SYT13: variants seen among roughly 807,000 people sequenced by gnomAD.
SYT13 encodes synaptotagmin 13.
Under a neutral mutation model 38.6 loss-of-function variants are expected in SYT13, and 21 were observed. That is an observed-to-expected ratio of 0.54 (90% CI 0.39 to 0.78). The LOEUF is 0.78. Among genes scored for constraint, SYT13 ranks in the 30% least tolerant of loss-of-function variants. The pLI is 0.00. For missense variants in SYT13, 495 were observed against 548.7 expected (o/e 0.90, Z 0.98); for synonymous variants, 241 against 237.6 (o/e 1.01, Z -0.13).
chr11:45,248,773 G>A (rs1381586580), intron 4 of SYT13, among the ~76,000 whole-genome samples: 1 of 152,210 alleles, frequency 6.6e-6, no homozygotes, highest in Non-Finnish European at 1.5e-5. Flanking sequence ...TACAGACCAG[G>A]TGAGAGGAGT....
At chr11:45,285,939 G>T in intron 1 of SYT13, 86 bp downstream of exon 1, 2 of 1,356,354 alleles carry the variant, frequency 1.5e-6, no homozygotes, top group South Asian at 2.4e-5. Context: ...AAAGATCCAC[G>T]ACCGCCTCCC....
chr11:45,261,130 T>C (rs1324942194), intron 1 of SYT13, among the ~76,000 whole-genome samples: 4 of 152,168 alleles, frequency 2.6e-5, no homozygotes, highest in Non-Finnish European at 5.9e-5. Context: ...TCATCATCAC[T>C]AATCACCAGA....
At chr11:45,248,137 C>T (rs1456171655) in intron 4 of SYT13, among the ~76,000 whole-genome samples, 1 of 152,164 alleles carries the variant, frequency 6.6e-6, no homozygotes, top group African/African-American at 2.4e-5. Context: ...CCAATGATTC[C>T]ACAAGTCTTG....
rs56684072 is a variant in SYT13 at position 45,270,206 on chromosome 11, T to C, written c.184-14315A>G. Among the ~76,000 whole-genome samples, 1,334 of 152,332 alleles carry C rather than the reference T, an allele frequency of 8.8e-3. 21 individuals carry two copies. Among genetic ancestry groups the C allele is most frequent in the African/African-American group, 0.03 (1,263 of 41,566 alleles). ...CTCACATTTTTCCTGTTAAACTGAG[T>C]CTGTGTATAGAAGCATCTCAGCTCT... On this transcript the variant is annotated intron_variant, in intron 1 of 5. Coordinates refer to ENST00000020926, the MANE Select transcript of SYT13 (RefSeq NM_020826.3).
At chr11:45,266,518 AC>A (rs1267154650) in intron 1 of SYT13, among the ~76,000 whole-genome samples, 26 of 151,750 alleles carry the variant, frequency 1.7e-4, no homozygotes, top group African/African-American at 5.8e-4. Flanking sequence ...ACACACACAC[AC>A]ACACACACAC....
At position 45,286,329 on chromosome 11, in the gene SYT13, G is replaced by C; in HGVS notation, c.-122C>G. ...CAGCTCTCCCGCCGCCAGAGGGGCGGGGACGGAGGGAGGGAGGACGGCTGC... is the reference window on the plus strand; with the variant it reads ...CAGCTCTCCCGCCGCCAGAGGGGCGCGGACGGAGGGAGGGAGGACGGCTGC... On this transcript the variant is annotated 5_prime_UTR_variant, in exon 1 of 6. Coordinates refer to ENST00000020926, the MANE Select transcript of SYT13 (RefSeq NM_020826.3). 1 of 1,203,444 alleles carries C rather than the reference G, an allele frequency of 8.3e-7. No homozygotes were observed. The highest frequency in any genetic ancestry group is 1.1e-6 in the Non-Finnish European group (1 of 897,798). 74.5% of individuals were successfully genotyped at this position (1,203,444 alleles called of 1,614,324 possible).
At chr11:45,260,015 CT>C (rs1251807627) in intron 1 of SYT13, among the ~76,000 whole-genome samples, 1 of 152,232 alleles carries the variant, frequency 6.6e-6, no homozygotes, top group Non-Finnish European at 1.5e-5. Flanking sequence ...ATTTTTGTGC[CT>C]TGCAGCCAAG....
intron 1 of SYT13, among the ~76,000 whole-genome samples, chr11:45,285,394 G>T (rs796626002): frequency 2.0e-5 from 3 of 152,170 alleles, no homozygotes; most frequent in African/African-American, 7.2e-5. Flanking sequence ...CCTCTGACTG[G>T]CTGGAGCTCA....
At position 45,271,595 on chromosome 11, in the gene SYT13, G is replaced by T. The variant is rs567663441; in HGVS notation, c.183+14430C>A. Among the ~76,000 whole-genome samples, 11 of 152,326 alleles carry T rather than the reference G, an allele frequency of 7.2e-5. No homozygotes were observed. The South Asian group carries it at 1.5e-3, about 20-fold the overall frequency. ...CTTGAATGCCAAGCAAAAAAATCTT[G>T]AATTCTATCTTATAAACAATGGAGA... On this transcript the variant is annotated intron_variant, in intron 1 of 5. Transcript: ENST00000020926.
chr11:45,267,472 C>G (rs1404331880), intron 1 of SYT13, among the ~76,000 whole-genome samples: 1 of 152,148 alleles, frequency 6.6e-6, no homozygotes, highest in East Asian at 1.9e-4. Flanking sequence ...CCAGGCCCCC[C>G]AGAGGTTTGA....
At chr11:45,256,588 A>C (rs1004748120) in intron 1 of SYT13, among the ~76,000 whole-genome samples, 4 of 151,950 alleles carry the variant, frequency 2.6e-5, no homozygotes, top group Non-Finnish European at 5.9e-5. Flanking sequence ...CCCTATCACC[A>C]CATCCCACTC....
chr11:45,278,857 T>C (rs754602162), intron 1 of SYT13, among the ~76,000 whole-genome samples: 19 of 152,198 alleles, frequency 1.2e-4, no homozygotes, highest in Non-Finnish European at 2.6e-4. Context: ...AAAGAATCTA[T>C]GCTAATTTCT....
chr11:45,249,405 T>G (rs776971835), intron 4 of SYT13, among the ~76,000 whole-genome samples: 1 of 152,242 alleles, frequency 6.6e-6, no homozygotes, highest in Non-Finnish European at 1.5e-5. Context: ...ACTGGGTATA[T>G]ACCCAAAGGA....
rs963698716 is a variant in SYT13 at position 45,241,519 on chromosome 11, C to CA, written c.*2532_*2533insT. ...GAGATCCCTCCCCCGCCCCGCCCCC[C>CA]CAAAAAAAAGAAGAAGAAGAATGAA... is the stretch of plus-strand genomic sequence containing the variant. On this transcript the variant is annotated 3_prime_UTR_variant, in exon 6 of 6. Coordinates refer to ENST00000020926, the MANE Select transcript of SYT13 (RefSeq NM_020826.3). 7.8e-5 allele frequency: 11 copies of CA among 141,298 alleles called. 1 individual carries two copies. Among genetic ancestry groups the CA allele is most frequent in the Non-Finnish European group, 1.7e-4 (11 of 64,422 alleles). The allele number at this position is 141,298 out of a possible 1,614,324, so 8.8% of individuals were successfully genotyped here.
At chr11:45,275,971 C>T (rs1855005917) in intron 1 of SYT13, among the ~76,000 whole-genome samples, 1 of 152,188 alleles carries the variant, frequency 6.6e-6, no homozygotes, top group Non-Finnish European at 1.5e-5. Flanking sequence ...TCTCACGAGA[C>T]TCATGAACAA....
In SYT13 at chr11:45,240,603, C is replaced by T. The variant is rs1051410741; in HGVS notation, c.*3449G>A. On this transcript the variant is annotated 3_prime_UTR_variant, in exon 6 of 6. Coordinates refer to ENST00000020926, the MANE Select transcript of SYT13 (RefSeq NM_020826.3). ...TGTTTGGAGTGATTTGTCATTCAAC[C>T]CACACAAAAAGTTGTATCTCAAATC... 1 of 152,170 alleles carries T rather than the reference C, an allele frequency of 6.6e-6. No individual in the cohort carries two copies. The highest frequency in any genetic ancestry group is 2.4e-5 in the African/African-American group (1 of 41,430). 9.4% of individuals were successfully genotyped at this position (152,170 alleles called of 1,614,324 possible).
rs751516024 is a variant in SYT13 at position 45,246,364 on chromosome 11, C to T, written c.976+19G>A. 2 of 1,612,010 alleles carry T rather than the reference C, an allele frequency of 1.2e-6. No individual in the cohort carries two copies. The highest frequency in any genetic ancestry group is 1.7e-6 in the Non-Finnish European group (2 of 1,179,194). ...CGGTAGCTGGAGGGGCCTTGGCCAT[C>T]CTCTCACATCTCACTCACCCTTCCC... On this transcript the variant is annotated intron_variant, in intron 5 of 5. Transcript: ENST00000020926.
intron 4 of SYT13, among the ~76,000 whole-genome samples, chr11:45,248,044 C>A (rs1210347366): frequency 3.9e-5 from 6 of 152,190 alleles, no homozygotes; most frequent in African/African-American, 1.4e-4. Context: ...TTAACTGTGT[C>A]TGAGTTCCAA....
Position 45,241,065 on chromosome 11 carries a change from A to G in SYT13, c.*2987T>C, listed in dbSNP as rs1411745033. On this transcript the variant is annotated 3_prime_UTR_variant, in exon 6 of 6. Coordinates refer to ENST00000020926, the MANE Select transcript of SYT13 (RefSeq NM_020826.3). ...TTTAGTGGAAAAGCAGAGCAATTAT[A>G]TTCTCTTCATCTGTTGATTACATTT... The G allele has an allele frequency of 6.6e-6, 1 of 152,244 alleles. No homozygotes were observed. Among genetic ancestry groups the G allele is most frequent in the Non-Finnish European group, 1.5e-5 (1 of 68,046 alleles). The allele number at this position is 152,244 out of a possible 1,614,324, so 9.4% of individuals were successfully genotyped here.
Sources: allele counts gnomAD v4.1 joint callset (sites outside exome capture counted in the v4.1 genomes callset), GRCh38; gene constraint gnomAD v4.1.1; transcripts MANE v1.5; gene names NCBI Gene and HGNC (gene_info 2026-07-23, HGNC 2026-07-21).